The following F8 variants were observed in gnomAD, a reference collection of about 807,000 sequenced individuals.
F8 encodes the protein antihemophilic factor.
In F8, 12 loss-of-function variants were observed where a neutral mutation model predicts 140.6. The ratio of observed to expected loss-of-function variants is 0.09; its 90% CI spans 0.05 to 0.14. F8 has a LOEUF of 0.14. Ranked by LOEUF, F8 falls within the 10% of genes least tolerant of loss-of-function variation. F8 has a pLI of 1.00. For synonymous variants in F8, 585 were observed against 614.6 expected (o/e 0.95, Z 0.71); for missense variants, 1,354 against 1,720.7 (o/e 0.79, Z 3.77).
At chrX:154,991,511 G>A (rs2073588337) in intron 4 of F8, among the ~76,000 whole-genome samples, 1 of 112,232 alleles carries the variant, frequency 8.9e-6, no homozygotes, top group South Asian at 3.7e-4. Flanking sequence ...AAAGGGTGGA[G>A]TGTGTTTATC....
At chrX:154,851,657 T>C (rs782338492) in intron 25 of F8, among the ~76,000 whole-genome samples, 1 of 111,948 alleles carries the variant, frequency 8.9e-6, no homozygotes, top group East Asian at 2.8e-4. Flanking sequence ...CCCTAATAAC[T>C]AATGATGTTG....
intron 22 of F8, among the ~76,000 whole-genome samples, chrX:154,879,504 T>C (rs373514974): frequency 1.8e-5 from 2 of 112,562 alleles, no homozygotes; most frequent in South Asian, 3.6e-4. Context: ...CCTTTCACTT[T>C]CAGTGCAATA....
At position 154,928,615 on chromosome X, in the gene F8, G is replaced by T; in HGVS notation, c.5175C>A (p.Leu1725=). ...RHYFIAAVER[L]WDYGMSSSPH... ...GGGAGCTACTCATCCCATAATCCCA[G>T]AGCCTCTCCACTGCAGCAATAAAAT... The change falls in exon 14 of 26, where the codon CTC becomes CTA. Residue 1725 remains leucine, a synonymous_variant. Transcript: ENST00000360256. 1 of 1,211,555 alleles carries T rather than the reference G, an allele frequency of 8.3e-7. No individual in the cohort carries two copies. The highest frequency in any genetic ancestry group is 1.7e-5 in the African/African-American group (1 of 57,789).
chrX:154,849,254 G>A (rs2072595608), intron 25 of F8, among the ~76,000 whole-genome samples: 1 of 110,597 alleles, frequency 9.0e-6, no homozygotes, highest in Non-Finnish European at 1.9e-5. Flanking sequence ...GGGATTACAG[G>A]TGTGAGCCAC....
At chrX:154,843,454 C>G (rs1374855471) in intron 25 of F8, among the ~76,000 whole-genome samples, 1 of 111,615 alleles carries the variant, frequency 9.0e-6, no homozygotes, top group African/African-American at 3.3e-5. Flanking sequence ...TCTCCAGCAC[C>G]TGTTGTTTCC....
chrX:154,969,283 G>C (rs782759440), intron 7 of F8, 48 bp downstream of exon 7: 1 of 1,088,998 alleles, frequency 9.2e-7, no homozygotes, highest in East Asian at 3.0e-5. Context: ...TTTATTAAAA[G>C]TAGGACTGGA....
At position 154,880,709 on chromosome X, in the gene F8, A is replaced by G. The variant is rs920364312; in HGVS notation, c.6429+15368T>C. Among the ~76,000 whole-genome samples the G allele has an allele frequency of 2.7e-5, 3 of 112,275 alleles. No individual in the cohort carries two copies. The Admixed American group carries it at 2.8e-4, about 11-fold the overall frequency. ...ATTTAAGTCCTAGCTGGAGAATCTA[A>G]GAGGATAGAGGACAACATTTACCTC... On this transcript the variant is annotated intron_variant, in intron 22 of 25. Coordinates refer to ENST00000360256, the MANE Select transcript of F8 (RefSeq NM_000132.4).
intron 22 of F8, among the ~76,000 whole-genome samples, chrX:154,879,617 T>TTAA (rs782299248): frequency 8.9e-6 from 1 of 112,059 alleles, no homozygotes; most frequent in Non-Finnish European, 1.9e-5. Context: ...CTGAGCATGT[T>TTAA]TAAGGTAGGC....
At chrX:154,905,959 C>G (rs1179913478) in intron 15 of F8, among the ~76,000 whole-genome samples, 2 of 111,130 alleles carry the variant, frequency 1.8e-5, no homozygotes, top group Non-Finnish European at 3.8e-5. Flanking sequence ...GGGACATTAC[C>G]AAATAATTAA....
intron 25 of F8, among the ~76,000 whole-genome samples, chrX:154,840,194 C>G (rs1773076439): frequency 8.9e-6 from 1 of 112,149 alleles, no homozygotes; most frequent in East Asian, 2.8e-4. Flanking sequence ...TGTTTCACAA[C>G]AAGCTTTTAT....
At chrX:154,951,967 C>T (rs1351081347) in intron 12 of F8, among the ~76,000 whole-genome samples, 2 of 112,002 alleles carry the variant, frequency 1.8e-5, no homozygotes, top group Non-Finnish European at 3.8e-5. Context: ...TTTTCATCAC[C>T]GTCTCCAAGA....
intron 13 of F8, among the ~76,000 whole-genome samples, chrX:154,937,592 AACTT>A (rs2073231595): frequency 9.0e-6 from 1 of 111,205 alleles, no homozygotes; most frequent in African/African-American, 3.3e-5. Context: ...CATTACAAAT[AACTT>A]ACTTCAAGTA....
Position 154,929,920 on chromosome X carries a change from T to C in F8, c.3870A>G (p.Lys1290=), listed in dbSNP as rs782292361. 20 of 1,209,026 alleles carry C rather than the reference T, an allele frequency of 1.7e-5. No individual in the cohort carries two copies. In the East Asian group the frequency reaches 5.9e-4, roughly 36 times the overall value. ...AGCCTTCCAAGTTTTCTTCCTCCCCTTTTTTTGAGAAATGAGCTGTGTGTT... is the reference window on the plus strand; with the variant it reads ...AGCCTTCCAAGTTTTCTTCCTCCCCCTTTTTTGAGAAATGAGCTGTGTGTT... The part of the protein sequence containing the change: ...TKKHTAHFSK[K]GEEENLEGLG... Residue 1290 remains lysine (K), a synonymous_variant, in exon 14 of 26, where the codon AAA becomes AAG. Transcript: ENST00000360256.
intron 22 of F8, among the ~76,000 whole-genome samples, chrX:154,876,245 G>C (rs1418825830): frequency 9.4e-6 from 1 of 106,481 alleles, no homozygotes; most frequent in East Asian, 3.0e-4. Context: ...TCAGCCTCCC[G>C]AGTAGCTGGG....
intron 13 of F8, among the ~76,000 whole-genome samples, chrX:154,934,033 C>T (rs1307318526): frequency 9.0e-6 from 1 of 111,627 alleles, no homozygotes; most frequent in Non-Finnish European, 1.9e-5. Context: ...CCCACTGTGC[C>T]TTTCATGGGG....
intron 6 of F8, among the ~76,000 whole-genome samples, chrX:154,980,511 G>A (rs2073512371): frequency 1.8e-5 from 2 of 112,042 alleles, no homozygotes; most frequent in African/African-American, 6.5e-5. Flanking sequence ...TCACTGGCAC[G>A]ATTTTTTGTT....
At chrX:154,995,807 A>G (rs1480905092) in intron 3 of F8, among the ~76,000 whole-genome samples, 1 of 111,740 alleles carries the variant, frequency 8.9e-6, no homozygotes, top group African/African-American at 3.3e-5. Context: ...TCTTTTTTGT[A>G]CTTAACCTTT....
intron 10 of F8, among the ~76,000 whole-genome samples, chrX:154,959,715 T>G (rs1283788826): frequency 8.9e-6 from 1 of 111,800 alleles, no homozygotes; most frequent in Non-Finnish European, 1.9e-5. Flanking sequence ...GTAACCACTA[T>G]TTTATCTCTA....
intron 9 of F8, among the ~76,000 whole-genome samples, chrX:154,965,204 GA>G (rs1171639222): frequency 4.5e-5 from 5 of 111,589 alleles, no homozygotes; most frequent in African/African-American, 1.6e-4. Flanking sequence ...ATGGTGTGGG[GA>G]AAAGGGCAGT....
Sources: gnomAD v4.1 joint callset for allele counts (sites outside exome capture counted in the v4.1 genomes callset) on GRCh38, gnomAD v4.1.1 for gene constraint, MANE v1.5 for transcripts, NCBI Gene and HGNC (gene_info 2026-07-23, HGNC 2026-07-21) for gene names.